Variants in DENND5B observed in about 807,000 individuals in gnomAD.
The protein encoded by DENND5B is DENN domain-containing protein 5B.
Under a neutral mutation model 140.6 loss-of-function variants are expected in DENND5B, and 34 were observed. That is an observed-to-expected ratio of 0.24 (90% CI 0.18 to 0.32). DENND5B has a LOEUF of 0.32. Ranked by LOEUF, DENND5B falls within the 10% of genes least tolerant of loss-of-function variation. The pLI is 1.00. For missense variants in DENND5B, 1,142 were observed against 1,560.2 expected (o/e 0.73, Z 4.52); for synonymous variants, 551 against 562.1 (o/e 0.98, Z 0.28).
At chr12:31,454,734 C>T (rs35430509) in intron 4 of DENND5B, among the ~76,000 whole-genome samples, 22,662 of 151,220 alleles carry the variant, frequency 0.15, 1,911 homozygotes, top group East Asian at 0.25. Flanking sequence ...TGAGCCACTG[C>T]GCCTGGCCGG....
At position 31,426,381 on chromosome 12, in the gene DENND5B, T is replaced by G; in HGVS notation, c.2150A>C (p.Gln717Pro). Reference protein sequence around the residue: ...EARSLGKNLRQPKLSDLSPAV... With the variant: ...EARSLGKNLRPPKLSDLSPAV... ...AGGAGAGAGGTCTGACAGTTTGGGT[T>G]GCCTCAGGTTTTTTCCTAAACTTCG... The change falls in exon 9 of 21, where the codon CAA (glutamine) becomes CCA (proline). Residue 717 changes from glutamine to proline, a missense_variant. This residue lies in a region of DENND5B where 708 missense variants were observed against 905.5 expected (regional missense o/e 0.78). Transcript: ENST00000389082. The G allele has an allele frequency of 6.2e-7, 1 of 1,612,614 alleles. No individual in the cohort carries two copies. Among genetic ancestry groups the G allele is most frequent in the Non-Finnish European group, 8.5e-7 (1 of 1,179,236 alleles).
At chr12:31,531,777 C>G (rs559546140) in intron 1 of DENND5B, among the ~76,000 whole-genome samples, 1 of 152,254 alleles carries the variant, frequency 6.6e-6, no homozygotes, top group Non-Finnish European at 1.5e-5. Flanking sequence ...CTTCCTTGAT[C>G]CGCCCAGCAG....
At chr12:31,508,505 T>C (rs1359717780) in intron 1 of DENND5B, among the ~76,000 whole-genome samples, 1 of 152,192 alleles carries the variant, frequency 6.6e-6, no homozygotes, top group East Asian at 1.9e-4. Context: ...TGTTTCATGG[T>C]CTATGAAATT....
At chr12:31,459,986 T>C (rs890599068) in intron 4 of DENND5B, among the ~76,000 whole-genome samples, 6 of 152,234 alleles carry the variant, frequency 3.9e-5, no homozygotes, top group African/African-American at 1.2e-4. Flanking sequence ...TCAGCCACTG[T>C]CTTGTTTTAA....
chr12:31,574,783 C>T (rs1163754882), intron 1 of DENND5B, among the ~76,000 whole-genome samples: 2 of 152,158 alleles, frequency 1.3e-5, no homozygotes, highest in Non-Finnish European at 2.9e-5. Context: ...TCCTGTCAGT[C>T]CTTCACTATG....
intron 1 of DENND5B, among the ~76,000 whole-genome samples, chr12:31,555,326 C>G (rs1949239087): frequency 6.6e-6 from 1 of 152,176 alleles, no homozygotes. Context: ...CCACTCCAGA[C>G]CCTGTTTGCC....
Position 31,387,783 on chromosome 12 carries a change from A to G in DENND5B, c.3645T>C (p.Asp1215=). 1 of 1,613,016 alleles carries G rather than the reference A, an allele frequency of 6.2e-7. No individual in the cohort carries two copies. Among genetic ancestry groups the G allele is most frequent in the Non-Finnish European group, 8.5e-7 (1 of 1,179,662 alleles). ...FQILVCLGTR[D]RLLPQWIPLL... Reference sequence around the variant, plus strand: ...ATGGAATCCACTGTGGGAGCAGGCGATCCCTACAGACCCAAACAGAAACAA... The same window carrying G: ...ATGGAATCCACTGTGGGAGCAGGCGGTCCCTACAGACCCAAACAGAAACAA... The change falls in exon 21 of 21, where the codon GAT becomes GAC. Residue 1215 remains aspartate, a synonymous_variant. Transcript: ENST00000389082.
At chr12:31,487,338 C>A (rs994495135) in intron 2 of DENND5B, among the ~76,000 whole-genome samples, 3 of 152,084 alleles carry the variant, frequency 2.0e-5, no homozygotes, top group African/African-American at 7.2e-5. Flanking sequence ...TTTAATAATT[C>A]TACGTTCACA....
intron 1 of DENND5B, among the ~76,000 whole-genome samples, chr12:31,522,493 G>A (rs1414332596): frequency 6.6e-6 from 1 of 152,176 alleles, no homozygotes. Flanking sequence ...TACCCTGGCT[G>A]AAGAGCAGTG....
intron 1 of DENND5B, among the ~76,000 whole-genome samples, chr12:31,544,308 G>C (rs1948781192): frequency 6.6e-6 from 1 of 152,012 alleles, no homozygotes; most frequent in Non-Finnish European, 1.5e-5. Flanking sequence ...TTGAGACAGG[G>C]TTTCACTCTG....
At chr12:31,548,408 G>A (rs200681503) in intron 1 of DENND5B, among the ~76,000 whole-genome samples, 1,356 of 78,232 alleles carry the variant, frequency 0.017, 25 homozygotes, top group African/African-American at 0.056. Flanking sequence ...AAAAGAAGAA[G>A]AAAAAAAAAA....
At chr12:31,393,816 T>C (rs143530018) in intron 17 of DENND5B, among the ~76,000 whole-genome samples, 2,949 of 152,236 alleles carry the variant, frequency 0.019, 52 homozygotes, top group South Asian at 0.043. Context: ...GCCTCCCGTG[T>C]AGCTGGGACT....
chr12:31,493,094 C>T (rs1249290953), intron 2 of DENND5B, among the ~76,000 whole-genome samples: 1 of 152,124 alleles, frequency 6.6e-6, no homozygotes, highest in African/African-American at 2.4e-5. Flanking sequence ...TCCAGTGTGA[C>T]CCATAACATT....
intron 1 of DENND5B, among the ~76,000 whole-genome samples, chr12:31,544,798 T>C (rs983599563): frequency 1.3e-5 from 2 of 151,956 alleles, no homozygotes; most frequent in African/African-American, 4.8e-5. Flanking sequence ...CACTATGAAC[T>C]ATATAAAACC....
rs749298313 is a variant in DENND5B at position 31,424,697 on chromosome 12, T to G, written c.2239-10A>C. Reference sequence around the variant, plus strand: ...CCAACATGCGCTTTGTCTAAGAATATCACGTGTAGTCATAAGGCACCCCAG... The same window carrying G: ...CCAACATGCGCTTTGTCTAAGAATAGCACGTGTAGTCATAAGGCACCCCAG... On this transcript the variant is annotated splice_polypyrimidine_tract_variant and intron_variant, in intron 9 of 20. Transcript: ENST00000389082. 6 of 1,613,350 alleles carry G rather than the reference T, an allele frequency of 3.7e-6. No individual in the cohort carries two copies. The South Asian group carries it at 5.5e-5, about 15-fold the overall frequency.
At chr12:31,472,558 T>C (rs994603179) in intron 3 of DENND5B, among the ~76,000 whole-genome samples, 4 of 151,980 alleles carry the variant, frequency 2.6e-5, no homozygotes, top group Admixed American at 6.6e-5. Flanking sequence ...TTCCAAAGCA[T>C]TGGGATTACA....
At chr12:31,536,996 A>C (rs905445774) in intron 1 of DENND5B, among the ~76,000 whole-genome samples, 1 of 152,242 alleles carries the variant, frequency 6.6e-6, no homozygotes, top group Non-Finnish European at 1.5e-5. Flanking sequence ...TACTTCAAAC[A>C]TAGAGAAATA....
intron 1 of DENND5B, among the ~76,000 whole-genome samples, chr12:31,579,887 T>C (rs955775824): frequency 2.0e-5 from 3 of 151,740 alleles, no homozygotes; most frequent in South Asian, 2.1e-4. Flanking sequence ...GGACCTTACA[T>C]GGTGCCATCT....
intron 11 of DENND5B, chr12:31,420,048 C>T: frequency 1.0e-6 from 1 of 984,964 alleles, no homozygotes; most frequent in African/African-American, 1.7e-5. Flanking sequence ...TACACCTACC[C>T]CCTGCCAAAA....
Sources: gnomAD v4.1 joint callset for allele counts (sites outside exome capture counted in the v4.1 genomes callset) on GRCh38, gnomAD v4.1.1 for gene constraint, gnomAD v4.1.1 regional missense constraint, MANE v1.5 for transcripts, NCBI Gene and HGNC (gene_info 2026-07-23, HGNC 2026-07-21) for gene names.